KIFAP3: variants seen among roughly 807,000 people sequenced by gnomAD.
KIFAP3 encodes kinesin-associated protein 3.
In KIFAP3, 68 loss-of-function variants were observed where a neutral mutation model predicts 106.5. The observed-to-expected ratio is 0.64, with a 90% CI of 0.53 to 0.78. The LOEUF is 0.78. Ranked by LOEUF, KIFAP3 falls within the 30% of genes least tolerant of loss-of-function variation. KIFAP3 has a pLI of 0.00. For missense variants in KIFAP3, 780 were observed against 941.8 expected, an observed-to-expected ratio of 0.83 and a Z score of 2.25; for synonymous variants, 320 against 311.5, an observed-to-expected ratio of 1.03 and a Z score of -0.29.
intron 19 of KIFAP3, among the ~76,000 whole-genome samples, chr1:169,935,191 T>A (rs1281251793): frequency 6.6e-6 from 1 of 152,016 alleles, no homozygotes; most frequent in African/African-American, 2.4e-5. Flanking sequence ...CAGCATGAAG[T>A]TTGGGCACCT....
intron 1 of KIFAP3, among the ~76,000 whole-genome samples, chr1:170,081,483 A>G (rs1672019945): frequency 6.6e-6 from 1 of 152,220 alleles, no homozygotes; most frequent in South Asian, 2.1e-4. Flanking sequence ...AAATCAAGAT[A>G]CCAAGAGGGC....
chr1:170,009,960 A>G (rs16862919), intron 10 of KIFAP3, among the ~76,000 whole-genome samples: 14,540 of 152,180 alleles, frequency 0.096, 713 homozygotes, highest in South Asian at 0.13. Context: ...AAGTTTTGTA[A>G]GTCCAATTCA....
At chr1:169,980,341 A>T (rs1666454152) in intron 15 of KIFAP3, among the ~76,000 whole-genome samples, 1 of 152,180 alleles carries the variant, frequency 6.6e-6, no homozygotes, top group South Asian at 2.1e-4. Context: ...TTCTTCAGGG[A>T]TCTCATATTA....
intron 19 of KIFAP3, among the ~76,000 whole-genome samples, chr1:169,946,286 T>C (rs1176727819): frequency 6.6e-6 from 1 of 152,174 alleles, no homozygotes; most frequent in African/African-American, 2.4e-5. Context: ...AGTGAACTAA[T>C]TACTTAATGT....
intron 1 of KIFAP3, among the ~76,000 whole-genome samples, chr1:170,083,322 C>T (rs543477107): frequency 2.0e-5 from 3 of 152,308 alleles, no homozygotes; most frequent in Admixed American, 2.0e-4. Flanking sequence ...TTTTTCATTT[C>T]TATTTCGTTC....
chr1:170,044,073 G>A (rs1477468541), intron 3 of KIFAP3, among the ~76,000 whole-genome samples: 1 of 152,126 alleles, frequency 6.6e-6, no homozygotes, highest in Non-Finnish European at 1.5e-5. Flanking sequence ...CCTTTTCACA[G>A]GAGAGGGTAA....
At chr1:169,972,628 A>G in intron 16 of KIFAP3, 30 bp from the exon 17 acceptor site, 1 of 1,059,346 alleles carries the variant, frequency 9.4e-7, no homozygotes, top group Non-Finnish European at 1.4e-6. Context: ...GAAACAAACT[A>G]CATTTGATAT....
intron 19 of KIFAP3, among the ~76,000 whole-genome samples, chr1:169,928,839 T>C (rs960805306): frequency 6.6e-6 from 1 of 152,022 alleles, no homozygotes; most frequent in Non-Finnish European, 1.5e-5. Flanking sequence ...CCCCTTAGTA[T>C]GGGGATATGC....
At chr1:169,953,906 T>TC (rs1553274955) in intron 19 of KIFAP3, 105 bp downstream of exon 19, 14 of 775,198 alleles carry the variant, frequency 1.8e-5, no homozygotes, top group Middle Eastern at 2.3e-4. Context: ...GAGGGTTTTT[T>TC]CCCCCCTCTT....
chr1:169,936,345 A>G (rs1040073879), intron 19 of KIFAP3, among the ~76,000 whole-genome samples: 1 of 151,744 alleles, frequency 6.6e-6, no homozygotes, highest in African/African-American at 2.4e-5. Flanking sequence ...CAAACCTGTA[A>G]TTATTCAAAT....
intron 19 of KIFAP3, among the ~76,000 whole-genome samples, chr1:169,934,171 A>G (rs941531120): frequency 7.2e-5 from 11 of 152,150 alleles, no homozygotes; most frequent in Non-Finnish European, 1.5e-4. Flanking sequence ...TGCTTCATAC[A>G]CATGCTTTCT....
intron 16 of KIFAP3, among the ~76,000 whole-genome samples, chr1:169,976,017 G>C: frequency 6.6e-6 from 1 of 152,220 alleles, no homozygotes; most frequent in African/African-American, 2.4e-5. Context: ...ACACTGAAAA[G>C]AAAGGTCAAA....
At chr1:170,039,050 C>A (rs573041136) in intron 4 of KIFAP3, among the ~76,000 whole-genome samples, 183 bp downstream of exon 4, 1 of 152,244 alleles carries the variant, frequency 6.6e-6, no homozygotes, top group Admixed American at 6.5e-5. Context: ...GCAAAAAAAG[C>A]AGAACCAATA....
chr1:170,040,671 C>T (rs538856071), intron 3 of KIFAP3, among the ~76,000 whole-genome samples: 2 of 152,050 alleles, frequency 1.3e-5, no homozygotes, highest in African/African-American at 2.4e-5. Context: ...TTGGACTATG[C>T]GATCTCTCAC....
chr1:169,977,009 G>A (rs1380323518), intron 16 of KIFAP3, among the ~76,000 whole-genome samples: 2 of 152,146 alleles, frequency 1.3e-5, no homozygotes, highest in African/African-American at 4.8e-5. Flanking sequence ...ACAGGCATGA[G>A]CCACTGTGCC....
rs117841466 is a variant in KIFAP3, at chr1:170,062,596, A to G, written c.33-7160T>C. Among the ~76,000 whole-genome samples the G allele has an allele frequency of 2.0e-5, 3 of 152,210 alleles. No homozygotes were observed. The East Asian group carries it at 5.8e-4, about 29-fold the overall frequency. The stretch of plus-strand genomic sequence containing the variant: ...ACATTTTTGTCTTTGATTTATCTGT[A>G]TATTATTTTTGTATTTTTGTGGGGA... On this transcript the variant is annotated intron_variant, in intron 1 of 19. Transcript: ENST00000361580.
intron 1 of KIFAP3, among the ~76,000 whole-genome samples, chr1:170,080,178 G>A (rs1671998109): frequency 6.6e-6 from 1 of 151,910 alleles, no homozygotes. Flanking sequence ...TACCACCAGA[G>A]AGCAATAAAT....
intron 17 of KIFAP3, among the ~76,000 whole-genome samples, chr1:169,961,815 G>A (rs765798696): frequency 2.6e-5 from 4 of 151,960 alleles, no homozygotes; most frequent in Non-Finnish European, 1.5e-5. Flanking sequence ...TTACATTATT[G>A]TAAGAATACA....
chr1:169,975,502 A>G (rs1666176929), intron 16 of KIFAP3, among the ~76,000 whole-genome samples: 1 of 152,182 alleles, frequency 6.6e-6, no homozygotes, highest in East Asian at 1.9e-4. Context: ...GAAATAAAAT[A>G]TTGCAATAAT....
Sources: allele counts gnomAD v4.1 joint callset (sites outside exome capture counted in the v4.1 genomes callset), GRCh38; gene constraint gnomAD v4.1.1; transcripts MANE v1.5; gene names NCBI Gene and HGNC (gene_info 2026-07-23, HGNC 2026-07-21).